DTL: variants seen among roughly 807,000 people sequenced by gnomAD.
DTL encodes denticleless protein homolog.
A neutral mutation model predicts 87.0 loss-of-function variants in DTL; 46 were observed. That is an observed-to-expected ratio of 0.53 (90% CI 0.42 to 0.68). The LOEUF is 0.68. DTL is among the 30% of genes least tolerant of loss of function. DTL has a pLI of 0.00. For missense variants in DTL, 737 were observed against 869.4 expected, an observed-to-expected ratio of 0.85 and a Z score of 1.91; for synonymous variants, 308 against 311.2, an observed-to-expected ratio of 0.99 and a Z score of 0.11.
chr1:212,062,232 G>GTT (rs1284406760), intron 5 of DTL, among the ~76,000 whole-genome samples: 1 of 152,192 alleles, frequency 6.6e-6, no homozygotes, highest in African/African-American at 2.4e-5. Flanking sequence ...AAGTGGATTA[G>GTT]TTTAAGTGCT....
At chr1:212,049,622 G>A (rs1053598838) in intron 5 of DTL, among the ~76,000 whole-genome samples, 5 of 152,082 alleles carry the variant, frequency 3.3e-5, no homozygotes, top group African/African-American at 7.2e-5. Flanking sequence ...TAGTCTGATC[G>A]GATACTGCTC....
At chr1:212,079,796 C>T (rs112031178) in intron 12 of DTL, among the ~76,000 whole-genome samples, 1,549 of 152,266 alleles carry the variant, frequency 0.01, 10 homozygotes, top group Non-Finnish European at 0.016. Flanking sequence ...CTTCTTTTGG[C>T]CTCCCAGTAA....
In DTL at chr1:212,067,862, C is replaced by G. The variant is rs113091488; in HGVS notation, c.714-362C>G. On this transcript the variant is annotated intron_variant, in intron 8 of 14. Coordinates refer to ENST00000366991, the MANE Select transcript of DTL (RefSeq NM_016448.4). ...GATATAACCACAGGGACAGAACTTG[C>G]TACTTATGATATCAAAAATATATGC... Among the ~76,000 whole-genome samples, 1,460 of 152,202 alleles carry G rather than the reference C, an allele frequency of 9.6e-3. 29 individuals carry two copies. The highest frequency in any genetic ancestry group is 0.033 in the African/African-American group (1,367 of 41,532).
At chr1:212,055,791 AG>A (rs1404622096) in intron 5 of DTL, among the ~76,000 whole-genome samples, 7 of 152,098 alleles carry the variant, frequency 4.6e-5, no homozygotes, top group Non-Finnish European at 7.4e-5. Context: ...ATGCACCACC[AG>A]GGTCACTGAG....
chr1:212,082,932 T>C (rs188739259), intron 13 of DTL, among the ~76,000 whole-genome samples: 1 of 152,220 alleles, frequency 6.6e-6, no homozygotes. Context: ...AAGTATACTA[T>C]AGGTAGAGAG....
intron 5 of DTL, among the ~76,000 whole-genome samples, chr1:212,051,258 C>A (rs538662885): frequency 6.6e-6 from 1 of 151,936 alleles, no homozygotes; most frequent in African/African-American, 2.4e-5. Context: ...CCTCCCTGAA[C>A]TCATGATTTC....
At chr1:212,069,919 T>TA (rs1466834959) in intron 10 of DTL, among the ~76,000 whole-genome samples, 1 of 152,164 alleles carries the variant, frequency 6.6e-6, no homozygotes, top group Non-Finnish European at 1.5e-5. Context: ...AGGACTTTAG[T>TA]ATCGGTGGCA....
chr1:212,048,592 C>T (rs533372299), intron 5 of DTL, among the ~76,000 whole-genome samples: 4 of 152,286 alleles, frequency 2.6e-5, no homozygotes, highest in Non-Finnish European at 5.9e-5. Context: ...AGTTATATAA[C>T]ACAGCACAGT....
Position 212,073,526 on chromosome 1 carries a change from T to C in DTL, c.1035+1313T>C, listed in dbSNP as rs571391607. 2.1e-3 allele frequency among the ~76,000 whole-genome samples: 317 copies of C among 152,270 alleles called. 1 individual carries two copies. Among genetic ancestry groups the C allele is most frequent in the Middle Eastern group, 3.4e-3 (1 of 294 alleles). On this transcript the variant is annotated intron_variant, in intron 11 of 14. Transcript: ENST00000366991. The stretch of plus-strand genomic sequence containing the variant: ...TTTTTTAGGACAGGGGTAAAACCTG[T>C]TTAGTATGAAGCATAATTCTTCAGC...
intron 1 of DTL, among the ~76,000 whole-genome samples, chr1:212,041,011 A>G (rs1240250706): frequency 1.3e-5 from 2 of 152,224 alleles, no homozygotes; most frequent in Non-Finnish European, 2.9e-5. Context: ...GAAAACTCTC[A>G]TGTTCTTGTA....
At chr1:212,068,796 C>G in intron 10 of DTL, 93 bp downstream of exon 10, 1 of 744,132 alleles carries the variant, frequency 1.3e-6, no homozygotes, top group Non-Finnish European at 2.2e-6. Context: ...CTAAACTGAA[C>G]TTATTAAGCC....
chr1:212,092,340 G>A (rs909309416), intron 13 of DTL, among the ~76,000 whole-genome samples: 2 of 152,138 alleles, frequency 1.3e-5, no homozygotes, highest in Non-Finnish European at 2.9e-5. Flanking sequence ...TTCAAGACCA[G>A]CCTGGCCAAC....
intron 10 of DTL, among the ~76,000 whole-genome samples, chr1:212,070,175 C>T (rs1187816237): frequency 6.6e-6 from 1 of 152,210 alleles, no homozygotes; most frequent in East Asian, 1.9e-4. Flanking sequence ...ATTTTTGCTA[C>T]AGTGTGGCAC....
chr1:212,080,588 A>T, intron 12 of DTL, 27 bp from the exon 13 acceptor site: 1 of 1,593,116 alleles, frequency 6.3e-7, no homozygotes, highest in Non-Finnish European at 8.5e-7. Context: ...GAAATTTCTT[A>T]ATTCCCTTCT....
At chr1:212,069,694 C>T (rs1322143679) in intron 10 of DTL, among the ~76,000 whole-genome samples, 5 of 151,790 alleles carry the variant, frequency 3.3e-5, no homozygotes, top group South Asian at 2.1e-4. Context: ...TACAGGCGCC[C>T]GCCACCATGC....
At chr1:212,081,448 T>G (rs2102568089) in intron 13 of DTL, among the ~76,000 whole-genome samples, 1 of 152,380 alleles carries the variant, frequency 6.6e-6, no homozygotes, top group South Asian at 2.1e-4. Flanking sequence ...CTTTGGCTTT[T>G]ATTTTGATAG....
intron 11 of DTL, among the ~76,000 whole-genome samples, chr1:212,074,216 T>C (rs1654763624): frequency 6.6e-6 from 1 of 150,908 alleles, no homozygotes; most frequent in Admixed American, 6.6e-5. Flanking sequence ...TTTAAATTCT[T>C]AATAAATTTT....
Position 212,103,975 on chromosome 1 carries a change from T to C in DTL, c.*1035T>C, listed in dbSNP as rs375986710. 1.3e-5 allele frequency: 2 copies of C among 152,338 alleles called. No individual in the cohort carries two copies. The highest frequency in any genetic ancestry group is 4.8e-5 in the African/African-American group (2 of 41,578). 9.4% of individuals were successfully genotyped at this position (152,338 alleles called of 1,614,324 possible). A position where few individuals can be genotyped will look rare whatever the true frequency, so the allele number is the denominator to read the frequency against. On this transcript the variant is annotated 3_prime_UTR_variant, in exon 15 of 15. Transcript: ENST00000366991. ...AAAAGCAATAGCCTTTTAGTATAGATAGCCCTGAGCCAAAAAGTAATAGAA... is the reference window on the plus strand; with the variant it reads ...AAAAGCAATAGCCTTTTAGTATAGACAGCCCTGAGCCAAAAAGTAATAGAA...
chr1:212,068,508 C>G, intron 9 of DTL, 91 bp from the exon 10 acceptor site: 1 of 904,776 alleles, frequency 1.1e-6, no homozygotes. Flanking sequence ...GATGATGATT[C>G]TTATGAAATG....
Sources: allele counts gnomAD v4.1 joint callset (sites outside exome capture counted in the v4.1 genomes callset), GRCh38; gene constraint gnomAD v4.1.1; transcripts MANE v1.5; gene names NCBI Gene and HGNC (gene_info 2026-07-23, HGNC 2026-07-21).